Variants in SLC15A5 observed in about 807,000 individuals in gnomAD.
SLC15A5 encodes the protein Peptide/histidine transporter ENSP00000340402.
Under a neutral mutation model 56.1 loss-of-function variants are expected in SLC15A5, and 58 were observed. The ratio of observed to expected loss-of-function variants is 1.03; its 90% CI spans 0.84 to 1.29. SLC15A5 has a LOEUF of 1.29. Among genes scored for constraint, SLC15A5 ranks in the 50% most tolerant of loss-of-function variants. The pLI is 0.00. For synonymous variants in SLC15A5, 264 were observed against 250.5 expected (o/e 1.05, Z -0.51); for missense variants, 681 against 672.1 (o/e 1.01, Z -0.15).
rs891012004 is a variant in SLC15A5 at position 16,194,291 on chromosome 12, A to C, written c.1592+54T>G. The stretch of plus-strand genomic sequence containing the variant: ...ATTCCCTGGCTCAGTGATGGTTCCC[A>C]GACCAATATTTCATGGACTCAGAAA... On this transcript the variant is annotated intron_variant, in intron 8 of 8. Transcript: ENST00000344941. 5.0e-5 allele frequency: 58 copies of C among 1,170,960 alleles called. No individual in the cohort carries two copies. In the Middle Eastern group the frequency reaches 5.7e-4, roughly 11 times the overall value. The allele number at this position is 1,170,960 out of a possible 1,614,324, so 72.5% of individuals were successfully genotyped here.
At chr12:16,259,876 C>CTG (rs1441537924) in intron 2 of SLC15A5, among the ~76,000 whole-genome samples, 1 of 145,874 alleles carries the variant, frequency 6.9e-6, no homozygotes, top group African/African-American at 2.5e-5. Context: ...CAACTCCTTG[C>CTG]TGTACCCAGC....
intron 5 of SLC15A5, among the ~76,000 whole-genome samples, chr12:16,231,608 A>G (rs1864300726): frequency 1.3e-5 from 2 of 152,180 alleles, no homozygotes; most frequent in Non-Finnish European, 2.9e-5. Flanking sequence ...CTGTGCACTG[A>G]ACAGTGAAAT....
In SLC15A5 at chr12:16,239,657, A is replaced by G. The variant is rs533004054; in HGVS notation, c.1162+24T>C. The stretch of plus-strand genomic sequence containing the variant: ...TTTAAAAAAGTTTCAAACGATTCGC[A>G]TGAAATGGTTAAATTGTACTTACTG... On this transcript the variant is annotated intron_variant, in intron 5 of 8. Transcript: ENST00000344941. The G allele has an allele frequency of 2.4e-4, 360 of 1,528,926 alleles. 3 individuals carry two copies. The South Asian group carries it at 4.1e-3, about 18-fold the overall frequency. The allele number at this position is 1,528,926 out of a possible 1,614,324, so 94.7% of individuals were successfully genotyped here.
chr12:16,214,696 C>A (rs985373966), intron 7 of SLC15A5, among the ~76,000 whole-genome samples: 1 of 152,164 alleles, frequency 6.6e-6, no homozygotes, highest in Non-Finnish European at 1.5e-5. Context: ...ACTTTTGGAA[C>A]CCTCCCAGAT....
intron 8 of SLC15A5, 89 bp from the exon 9 acceptor site, chr12:16,189,904 T>C: frequency 1.0e-6 from 1 of 955,100 alleles, no homozygotes; most frequent in Non-Finnish European, 1.5e-6. Context: ...TGTCTACCTT[T>C]TATGATGGGC....
At position 16,243,497 on chromosome 12, in the gene SLC15A5, C is replaced by T. The variant is rs1173892728; in HGVS notation, c.975+1083G>A. ...GTGCTGGGATTACAGGTGTAAGCCACCACGCTGGGCTAAATTTTATATAAT... is the reference window on the plus strand; with the variant it reads ...GTGCTGGGATTACAGGTGTAAGCCATCACGCTGGGCTAAATTTTATATAAT... On this transcript the variant is annotated intron_variant, in intron 4 of 8. Coordinates refer to ENST00000344941, the MANE Select transcript of SLC15A5 (RefSeq NM_001170798.1). This position sits in a 1 kb window ranked among gnomAD's most constrained non-coding sequence, Gnocchi z 4.4. Among the ~76,000 whole-genome samples the T allele has an allele frequency of 1.3e-5, 2 of 152,176 alleles. No homozygotes were observed. Among genetic ancestry groups the T allele is most frequent in the East Asian group, 1.9e-4 (1 of 5,198 alleles).
At chr12:16,277,202 C>A (rs1864829062) in intron 1 of SLC15A5, 123 bp downstream of exon 1, 2 of 974,158 alleles carry the variant, frequency 2.1e-6, no homozygotes, top group Non-Finnish European at 2.9e-6. Flanking sequence ...ATTGAACCCA[C>A]ATTCTTACTT....
chr12:16,225,505 GAGTGAAC>G (rs927097781), intron 5 of SLC15A5, among the ~76,000 whole-genome samples: 1 of 152,194 alleles, frequency 6.6e-6, no homozygotes, highest in African/African-American at 2.4e-5. Flanking sequence ...ACTATCATCA[GAGTGAAC>G]AGGCAACCTA....
At position 16,243,175 on chromosome 12, in the gene SLC15A5, T is replaced by C. The variant is rs1864429152; in HGVS notation, c.975+1405A>G. ...CTGATAAAACTTCATTTATGGACGC[T>C]AAAATTTAAATTTTATATATTTTTC... On this transcript the variant is annotated intron_variant, in intron 4 of 8. Coordinates refer to ENST00000344941, the MANE Select transcript of SLC15A5 (RefSeq NM_001170798.1). The surrounding 1 kb of genome is among the most constrained non-coding windows in gnomAD (Gnocchi z 4.4). Among the ~76,000 whole-genome samples, 2 of 151,390 alleles carry C rather than the reference T, an allele frequency of 1.3e-5. No individual in the cohort carries two copies. The highest frequency in any genetic ancestry group is 2.9e-5 in the Non-Finnish European group (2 of 67,960).
At chr12:16,233,538 G>C (rs1389371516) in intron 5 of SLC15A5, among the ~76,000 whole-genome samples, 2 of 152,192 alleles carry the variant, frequency 1.3e-5, no homozygotes, top group African/African-American at 2.4e-5. Flanking sequence ...CGGTGGGCCA[G>C]ATTTGGCCCA....
Position 16,277,459 on chromosome 12 carries a change from T to C in SLC15A5, c.227A>G (p.Asn76Ser). The change falls in exon 1 of 9, where the codon AAT (asparagine) becomes AGT (serine). Residue 76 changes from asparagine to serine, a missense_variant. Asn to Ser is a conservative substitution (Grantham distance 46). Coordinates refer to ENST00000344941, the MANE Select transcript of SLC15A5 (RefSeq NM_001170798.1). ...CAAGTTTAAGATGGCTGCTTGGCAA[T>C]TGTGATAGCCAAGCTTGATAGTGCA... The part of the protein sequence containing the change: ...PFCTIKLGYH[N>S]CQAAILNLCF... 6.5e-7 allele frequency: 1 copy of C among 1,536,536 alleles called. No individual in the cohort carries two copies. Among genetic ancestry groups the C allele is most frequent in the Non-Finnish European group, 8.7e-7 (1 of 1,146,442 alleles).
intron 8 of SLC15A5, among the ~76,000 whole-genome samples, chr12:16,191,381 C>T (rs1007365092): frequency 6.6e-6 from 1 of 151,932 alleles, no homozygotes; most frequent in Non-Finnish European, 1.5e-5. Flanking sequence ...GATGTTGTTT[C>T]ATAATTAATA....
At position 16,193,855 on chromosome 12, in the gene SLC15A5, G is replaced by A. The variant is rs917255683; in HGVS notation, c.1592+490C>T. Among the ~76,000 whole-genome samples the A allele has an allele frequency of 3.8e-4, 54 of 143,878 alleles. 1 individual carries two copies. Among genetic ancestry groups the A allele is most frequent in the African/African-American group, 1.4e-3 (53 of 38,588 alleles). 94.4% of individuals were successfully genotyped at this position (143,878 alleles called of 152,430 possible). A position where few individuals can be genotyped will look rare whatever the true frequency, so the allele number is the denominator to read the frequency against. On this transcript the variant is annotated intron_variant, in intron 8 of 8. Coordinates refer to ENST00000344941, the MANE Select transcript of SLC15A5 (RefSeq NM_001170798.1). ...AGAGAGAGAGAGAGAGGCTGGCAAT[G>A]GATGGGTGGATGGATGGTAGCTGGT...
Position 16,239,773 on chromosome 12 carries a change from A to T in SLC15A5, c.1070T>A (p.Leu357Gln). 1 of 1,537,302 alleles carries T rather than the reference A, an allele frequency of 6.5e-7. No individual in the cohort carries two copies. The highest frequency in any genetic ancestry group is 8.7e-7 in the Non-Finnish European group (1 of 1,146,882). Reference sequence around the variant, plus strand: ...AAAAGGAGCCAGAATTAGTAATGGTAGGCTGCTGATGGCATTCATTACTGC... The same window carrying T: ...AAAAGGAGCCAGAATTAGTAATGGTTGGCTGCTGATGGCATTCATTACTGC... Reference protein sequence around the residue: ...PIAVMNAISSLPLLILAPFLE... With the variant: ...PIAVMNAISSQPLLILAPFLE... Residue 357 changes from leucine (L) to glutamine (Q), a missense_variant, in exon 5 of 9, where the codon CTA (leucine) becomes CAA (glutamine). Transcript: ENST00000344941.
At chr12:16,208,316 G>T (rs1193248974) in intron 7 of SLC15A5, among the ~76,000 whole-genome samples, 4 of 152,116 alleles carry the variant, frequency 2.6e-5, no homozygotes, top group African/African-American at 9.7e-5. Context: ...TCTTTCTCTT[G>T]CATTTTTAAC....
chr12:16,211,159 T>C (rs1864076421), intron 7 of SLC15A5, among the ~76,000 whole-genome samples: 1 of 152,202 alleles, frequency 6.6e-6, no homozygotes, highest in Non-Finnish European at 1.5e-5. Flanking sequence ...GAGGCATAGA[T>C]CTGAATTTGA....
intron 7 of SLC15A5, among the ~76,000 whole-genome samples, chr12:16,210,729 G>C (rs1021613276): frequency 2.0e-5 from 3 of 152,122 alleles, no homozygotes; most frequent in African/African-American, 7.2e-5. Flanking sequence ...ATTGAATTCA[G>C]GTTCATCTGA....
intron 7 of SLC15A5, among the ~76,000 whole-genome samples, chr12:16,208,449 T>A (rs897438582): frequency 1.8e-4 from 27 of 152,172 alleles, no homozygotes; most frequent in African/African-American, 6.3e-4. Flanking sequence ...GGTGGGAGGA[T>A]CTTTTGAGGC....
At chr12:16,236,778 C>A (rs1434464075) in intron 5 of SLC15A5, among the ~76,000 whole-genome samples, 1 of 152,098 alleles carries the variant, frequency 6.6e-6, no homozygotes, top group Non-Finnish European at 1.5e-5. Flanking sequence ...AGTAACTGCC[C>A]ATTGTGATGA....
Sources: gnomAD v4.1 joint callset for allele counts (sites outside exome capture counted in the v4.1 genomes callset) on GRCh38, gnomAD v4.1.1 for gene constraint, Gnocchi (gnomAD v3.1) non-coding constraint, MANE v1.5 for transcripts, NCBI Gene and HGNC (gene_info 2026-07-23, HGNC 2026-07-21) for gene names.